PHRF1: variants seen among roughly 807,000 people sequenced by gnomAD.
PHRF1 encodes PHD and ring finger domains 1, also known as PHD and RING finger domain-containing protein 1.
A neutral mutation model predicts 128.9 loss-of-function variants in PHRF1; 53 were observed. That is an observed-to-expected ratio of 0.41 (90% CI 0.33 to 0.52). The LOEUF is 0.52. Ranked by LOEUF, PHRF1 falls within the 20% of genes least tolerant of loss-of-function variation. The probability of loss-of-function intolerance (pLI) is 0.21; values close to 1 mark genes in which losing one functional copy is unlikely to be tolerated. For synonymous variants in PHRF1, 1,178 were observed against 980.6 expected, an observed-to-expected ratio of 1.20 and a Z score of -3.76; for missense variants, 2,503 against 2,284.5, an observed-to-expected ratio of 1.10 and a Z score of -1.95.
intron 2 of PHRF1, among the ~76,000 whole-genome samples, 159 bp from the exon 3 acceptor site, chr11:581,803 T>C (rs12293369): frequency 0.043 from 6,591 of 152,374 alleles, 165 homozygotes; most frequent in Middle Eastern, 0.1. Flanking sequence ...CGAAAGGATG[T>C]TCCCTTTCCT....
In PHRF1 at chr11:606,683, C is replaced by T. The variant is rs559806812; in HGVS notation, c.1609+87C>T. On this transcript the variant is annotated intron_variant, in intron 13 of 17. Coordinates refer to ENST00000264555, the MANE Select transcript of PHRF1 (RefSeq NM_001286581.2). ...AAGCACTCAGCCCATGTCTCAGTCA[C>T]GGAAGATGTAGCTGAAGTTGGGGGG... The T allele has an allele frequency of 8.8e-5, 129 of 1,472,128 alleles. 1 individual carries two copies. In the South Asian group the frequency reaches 1.1e-3, roughly 13 times the overall value. 91.2% of individuals were successfully genotyped at this position (1,472,128 alleles called of 1,614,324 possible).
At chr11:576,735 G>T (rs1853856339) in intron 1 of PHRF1, 143 bp downstream of exon 1, 1 of 147,232 alleles carries the variant, frequency 6.8e-6, no homozygotes, top group African/African-American at 2.5e-5. Context: ...GGGCGGGCGG[G>T]CGCGCGCGCG....
rs1855998753 is a variant in PHRF1, at chr11:607,146, C to T, written c.1690C>T (p.Leu564=). ...GFKGCLQPRA[L]PSGSPAQGPS... ...CAAGGGCTGCCTGCAGCCCCGAGCA[C>T]TGCCCTCCGGGAGCCCGGCCCAAGG... is the stretch of plus-strand genomic sequence containing the variant. Residue 564 remains leucine (L), a synonymous_variant, in exon 14 of 18, where the codon CTG becomes TTG. Transcript: ENST00000264555. 6.2e-7 allele frequency: 1 copy of T among 1,613,038 alleles called. No homozygotes were observed. The highest frequency in any genetic ancestry group is 2.2e-5 in the East Asian group (1 of 44,884).
At chr11:592,116 T>C (rs907371820) in intron 5 of PHRF1, among the ~76,000 whole-genome samples, 6 of 151,980 alleles carry the variant, frequency 3.9e-5, no homozygotes, top group Non-Finnish European at 7.4e-5. Context: ...GGGGTTTCAC[T>C]GTGTTAGCCA....
In PHRF1 at chr11:610,635, C is replaced by T. The variant is rs774430101; in HGVS notation, c.4551C>T (p.Thr1517=). 6.2e-7 allele frequency: 1 copy of T among 1,605,224 alleles called. No individual in the cohort carries two copies. Among genetic ancestry groups the T allele is most frequent in the Non-Finnish European group, 8.5e-7 (1 of 1,179,824 alleles). The change falls in exon 16 of 18, where the codon ACC becomes ACT. Residue 1517 remains threonine (T), a synonymous_variant. Transcript: ENST00000264555. ...TAGTGGGCTGTGGGGCAGCACAGACCCTGGCCCCAGTGCCCGCTGCCCTGA... is the reference window on the plus strand; with the variant it reads ...TAGTGGGCTGTGGGGCAGCACAGACTCTGGCCCCAGTGCCCGCTGCCCTGA... ...LPLVGCGAAQ[T]LAPVPAALTP...
chr11:607,679 C>T lies in PHRF1; in HGVS notation c.2223C>T (p.Pro741=), dbSNP rs200629708. ...CCAGCAGCAGGGTGCCCCGGGAGCC[C>T]GGGGTGCACACGGGCAGCTCCCGGC... is the stretch of plus-strand genomic sequence containing the variant. ...SEASSRVPRE[P]GVHTGSSRPP... The change falls in exon 14 of 18, where the codon CCC becomes CCT. Residue 741 remains proline (P), a synonymous_variant. Coordinates refer to ENST00000264555, the MANE Select transcript of PHRF1 (RefSeq NM_001286581.2). 560 of 1,610,066 alleles carry T rather than the reference C, an allele frequency of 3.5e-4. 4 individuals are homozygous for T. The highest frequency in any genetic ancestry group is 5.0e-4 in the Middle Eastern group (3 of 6,056).
chr11:607,423 C>T lies in PHRF1; in HGVS notation c.1967C>T (p.Pro656Leu), dbSNP rs1182104766. 5 of 1,612,714 alleles carry T rather than the reference C, an allele frequency of 3.1e-6. No homozygotes were observed. Among genetic ancestry groups the T allele is most frequent in the African/African-American group, 1.3e-5 (1 of 74,940 alleles). Residue 656 changes from proline (P) to leucine (L), a missense_variant, in exon 14 of 18, where the codon CCC becomes CTC. Pro to Leu is a moderately conservative substitution (Grantham distance 98). Transcript: ENST00000264555. ...AAGATCTCAAGCAGAGATTCTAAGC[C>T]CCCATGTCGCAGTGTGGTGCCGGGG... Reference protein sequence around the residue: ...ASKISSRDSKPPCRSVVPGPP... With the variant: ...ASKISSRDSKLPCRSVVPGPP...
intron 3 of PHRF1, among the ~76,000 whole-genome samples, chr11:582,859 C>T (rs888716044): frequency 6.6e-6 from 1 of 151,528 alleles, no homozygotes; most frequent in African/African-American, 2.4e-5. Context: ...ATAGTGAAAC[C>T]CCCTCTCTAC....
chr11:611,595 A>T lies in PHRF1; in HGVS notation c.4807-39A>T, dbSNP rs539126830. On this transcript the variant is annotated intron_variant, in intron 17 of 17. Transcript: ENST00000264555. ...CTGGGCTCTGGCCCGGAACATCTGG[A>T]TGTGAAAGGGCATTTGGTGATTGCA... 25 of 1,612,030 alleles carry T rather than the reference A, an allele frequency of 1.6e-5. No homozygotes were observed. The South Asian group carries it at 2.2e-4, about 14-fold the overall frequency.
Position 601,674 on chromosome 11 carries a change from G to C in PHRF1, c.1125G>C (p.Val375=). The C allele has an allele frequency of 6.2e-7, 1 of 1,613,850 alleles. No individual in the cohort carries two copies. Among genetic ancestry groups the C allele is most frequent in the Non-Finnish European group, 8.5e-7 (1 of 1,179,862 alleles). Residue 375 remains valine, a synonymous_variant, in exon 10 of 18, where the codon GTG becomes GTC. Transcript: ENST00000264555. The part of the protein sequence containing the change: ...ATRSKKRQHR[V]KKRRGKKVKS... Reference sequence around the variant, plus strand: ...GATCTAAGAAACGCCAACATCGAGTGAAGAAGAGAAGAGGGAAGAAGGTAA... The same window carrying C: ...GATCTAAGAAACGCCAACATCGAGTCAAGAAGAGAAGAGGGAAGAAGGTAA...
chr11:601,065 C>T (rs1021901033), intron 9 of PHRF1, among the ~76,000 whole-genome samples: 7 of 152,118 alleles, frequency 4.6e-5, no homozygotes, highest in Admixed American at 6.6e-5. Context: ...GCAGGAGAAT[C>T]GCTTGAACCC....
At chr11:583,957 C>G (rs546351982) in intron 3 of PHRF1, among the ~76,000 whole-genome samples, 1 of 152,354 alleles carries the variant, frequency 6.6e-6, no homozygotes, top group East Asian at 1.9e-4. Flanking sequence ...CTGGAAAATC[C>G]ATGGTCCTCA....
chr11:594,898 A>G (rs1294206943), intron 6 of PHRF1, among the ~76,000 whole-genome samples: 2 of 70,166 alleles, frequency 2.9e-5, no homozygotes, highest in African/African-American at 1.3e-4. Flanking sequence ...GGCAGATAAA[A>G]CAACGCAAGT....
intron 15 of PHRF1, 34 bp downstream of exon 15, chr11:610,381 G>A (rs1403260139): frequency 6.5e-7 from 1 of 1,540,068 alleles, no homozygotes; most frequent in East Asian, 2.4e-5. Context: ...GTGGGCCGTG[G>A]GCAGTGGCCT....
In PHRF1 at chr11:608,286, G is replaced by A; in HGVS notation, c.2830G>A (p.Glu944Lys). 6.2e-7 allele frequency: 1 copy of A among 1,610,014 alleles called. No homozygotes were observed. The highest frequency in any genetic ancestry group is 2.2e-5 in the East Asian group (1 of 44,838). The change falls in exon 14 of 18, where the codon GAG becomes AAG. Residue 944 changes from glutamate to lysine, a missense_variant. Transcript: ENST00000264555. Reference protein sequence around the residue: ...RPSPPEPWDEEDGASCSTFFG... With the variant: ...RPSPPEPWDEKDGASCSTFFG... ...ATCCCCCCCAGAGCCCTGGGATGAG[G>A]AGGATGGGGCGTCTTGCAGCACCTT...
Position 607,232 on chromosome 11 carries a change from C to T in PHRF1, c.1776C>T (p.Pro592=), listed in dbSNP as rs376666311. ...GLSCQGRSRT[P]ARTAGAPVRL... is the part of the protein sequence containing the mutation. ...GCTGTCAAGGCAGGTCCCGCACCCC[C>T]GCCCGCACCGCGGGGGCGCCTGTGA... Residue 592 remains proline, a synonymous_variant, in exon 14 of 18, where the codon CCC becomes CCT. Coordinates refer to ENST00000264555, the MANE Select transcript of PHRF1 (RefSeq NM_001286581.2). 2.9e-5 allele frequency: 47 copies of T among 1,612,230 alleles called. No individual in the cohort carries two copies. Among genetic ancestry groups the T allele is most frequent in the Admixed American group, 5.0e-5 (3 of 59,984 alleles).
chr11:589,315 G>C (rs970698045), intron 4 of PHRF1, among the ~76,000 whole-genome samples: 2 of 152,162 alleles, frequency 1.3e-5, no homozygotes, highest in African/African-American at 2.4e-5. Context: ...CTTCCCTTTC[G>C]AGACATCTTG....
chr11:585,585 CAGCTTGA>C (rs1854486484), intron 3 of PHRF1, among the ~76,000 whole-genome samples: 2 of 119,858 alleles, frequency 1.7e-5, no homozygotes, highest in Non-Finnish European at 3.4e-5. Context: ...TAGCCCTTTC[CAGCTTGA>C]GGTAGTAGCC....
intron 9 of PHRF1, 78 bp downstream of exon 9, chr11:598,580 A>G (rs1045682803): frequency 4.3e-5 from 64 of 1,500,640 alleles, no homozygotes; most frequent in Non-Finnish European, 5.0e-5. Flanking sequence ...GCTTCCCTCA[A>G]GGCTGTGGGC....
Sources: gnomAD v4.1 joint callset for allele counts (sites outside exome capture counted in the v4.1 genomes callset) on GRCh38, gnomAD v4.1.1 for gene constraint, MANE v1.5 for transcripts, NCBI Gene and HGNC (gene_info 2026-07-23, HGNC 2026-07-21) for gene names.